Variants in LOC128092252 observed in about 807,000 individuals in gnomAD.
At chr15:50,683,495 G>T in the LOC128092252 span, among the ~76,000 whole-genome samples, 6 of 152,044 alleles carry the variant, frequency 3.9e-5, no homozygotes, top group East Asian at 1.2e-3. Context: ...AACACTTTGG[G>T]AGGCCGAGGC....
the LOC128092252 span, among the ~76,000 whole-genome samples, chr15:50,664,336 A>C: frequency 9.3e-4 from 141 of 151,248 alleles, no homozygotes; most frequent in Non-Finnish European, 1.5e-3. Context: ...AAAGTGATAG[A>C]TTGATAAAAA....
At chr15:50,684,764 C>T in the LOC128092252 span, among the ~76,000 whole-genome samples, 1 of 152,106 alleles carries the variant, frequency 6.6e-6, no homozygotes. Context: ...GGGTTTCTTT[C>T]AACAAATAAA....
chr15:50,678,223 G>C, the LOC128092252 span, among the ~76,000 whole-genome samples: 16,515 of 133,338 alleles, frequency 0.12, 1,681 homozygotes, highest in Admixed American at 0.25. Flanking sequence ...CTGGGCAACA[G>C]AGTGAGACTC....
the LOC128092252 span, chr15:50,686,437 A>G: frequency 6.2e-7 from 1 of 1,601,508 alleles, no homozygotes; most frequent in Non-Finnish European, 8.6e-7. Context: ...CGCCGCATGG[A>G]ACGCGGCTCC....
At chr15:50,651,814 G>T in the LOC128092252 span, among the ~76,000 whole-genome samples, 1 of 151,988 alleles carries the variant, frequency 6.6e-6, no homozygotes, top group Non-Finnish European at 1.5e-5. Context: ...TTGAACCCAG[G>T]AGGTGGGGGT....
the LOC128092252 span, among the ~76,000 whole-genome samples, chr15:50,676,427 AT>A: frequency 6.6e-6 from 1 of 152,064 alleles, no homozygotes; most frequent in Non-Finnish European, 1.5e-5. Flanking sequence ...TGGACAAAAG[AT>A]AAAAAAGAGG....
the LOC128092252 span, among the ~76,000 whole-genome samples, chr15:50,665,732 C>T: frequency 1.5e-4 from 23 of 152,118 alleles, no homozygotes; most frequent in Non-Finnish European, 2.9e-4. Flanking sequence ...CAGTGGATCA[C>T]GCCTGTAATC....
At chr15:50,666,696 G>C in the LOC128092252 span, among the ~76,000 whole-genome samples, 1 of 151,968 alleles carries the variant, frequency 6.6e-6, no homozygotes, top group Non-Finnish European at 1.5e-5. Flanking sequence ...CAGCTACTTG[G>C]AAGGCTGAGG....
At chr15:50,655,636 A>G in the LOC128092252 span, among the ~76,000 whole-genome samples, 1 of 152,184 alleles carries the variant, frequency 6.6e-6, no homozygotes, top group Non-Finnish European at 1.5e-5. Context: ...ACAGGAAGAC[A>G]ACTACTGTAT....
the LOC128092252 span, among the ~76,000 whole-genome samples, chr15:50,671,745 G>A: frequency 6.6e-6 from 1 of 152,084 alleles, no homozygotes; most frequent in African/African-American, 2.4e-5. Flanking sequence ...AGGAGTTTGA[G>A]GTTAAAGTAA....
chr15:50,672,377 T>TA, the LOC128092252 span, among the ~76,000 whole-genome samples: 2 of 151,798 alleles, frequency 1.3e-5, no homozygotes, highest in South Asian at 2.1e-4. Context: ...TTTTTTTTTT[T>TA]AACTGTAAAA....
chr15:50,671,079 T>C, the LOC128092252 span, among the ~76,000 whole-genome samples: 1 of 152,196 alleles, frequency 6.6e-6, no homozygotes, highest in Admixed American at 6.5e-5. Flanking sequence ...CCACTTAAAA[T>C]ATACTCTTAG....
chr15:50,653,599 C>T, the LOC128092252 span, among the ~76,000 whole-genome samples: 1 of 152,114 alleles, frequency 6.6e-6, no homozygotes, highest in East Asian at 1.9e-4. Context: ...CATGACTGCA[C>T]CAGCTTGGGG....
chr15:50,682,650 T>C, the LOC128092252 span, among the ~76,000 whole-genome samples: 11,437 of 152,054 alleles, frequency 0.075, 558 homozygotes, highest in South Asian at 0.12. Context: ...ACAAAATCTC[T>C]AAAAGAACTA....
the LOC128092252 span, among the ~76,000 whole-genome samples, chr15:50,682,511 G>A: frequency 4.0e-5 from 6 of 151,640 alleles, no homozygotes; most frequent in African/African-American, 1.5e-4. Flanking sequence ...AGGAGGCGGA[G>A]GTTGCAGTGA....
chr15:50,665,886 G>A, the LOC128092252 span, among the ~76,000 whole-genome samples: 1 of 152,078 alleles, frequency 6.6e-6, no homozygotes, highest in Non-Finnish European at 1.5e-5. Context: ...CCAGCTACTC[G>A]AGAGACTGAG....
chr15:50,676,983 G>A, the LOC128092252 span, among the ~76,000 whole-genome samples: 1 of 152,144 alleles, frequency 6.6e-6, no homozygotes, highest in South Asian at 2.1e-4. Flanking sequence ...CCCATTGTAG[G>A]AGAGACAGTT....
At chr15:50,679,514 ATAT>A in the LOC128092252 span, among the ~76,000 whole-genome samples, 35 of 89,528 alleles carry the variant, frequency 3.9e-4, no homozygotes, top group East Asian at 9.9e-4. Flanking sequence ...TATATATAAT[ATAT>A]ATATATATAT....
At chr15:50,680,032 G>A in the LOC128092252 span, among the ~76,000 whole-genome samples, 7 of 151,820 alleles carry the variant, frequency 4.6e-5, no homozygotes, top group East Asian at 1.9e-4. Context: ...TCAGGAGTTC[G>A]AGACCAGCCT....
Sources: allele counts gnomAD v4.1 joint callset (sites outside exome capture counted in the v4.1 genomes callset), GRCh38; gene constraint gnomAD v4.1.1; transcripts MANE v1.5.